The following AUTS2 variants were observed in gnomAD, a reference collection of about 807,000 sequenced individuals.
AUTS2 encodes the protein activator of transcription and developmental regulator AUTS2.
In AUTS2, 17 loss-of-function variants were observed where a neutral mutation model predicts 112.4. The observed-to-expected ratio is 0.15, with a 90% confidence interval of 0.10 to 0.23. The LOEUF (loss-of-function observed/expected upper bound fraction) is 0.23, where lower values mean the gene tolerates loss of function less well. Among genes scored for constraint, AUTS2 ranks in the 10% least tolerant of loss-of-function variants. The pLI, the probability that AUTS2 is intolerant of heterozygous loss-of-function variation, is 1.00. For synonymous variants in AUTS2, 751 were observed against 702.7 expected, an observed-to-expected ratio of 1.07 and a Z score of -1.09; for missense variants, 1,510 against 1,701.6, an observed-to-expected ratio of 0.89 and a Z score of 1.98.
At chr7:69,880,388 C>T (rs1191583553) in intron 1 of AUTS2, among the ~76,000 whole-genome samples, 12 of 152,132 alleles carry the variant, frequency 7.9e-5, no homozygotes, top group Admixed American at 7.8e-4. Context: ...GTTAATAGTA[C>T]CTGCATACAG....
At chr7:70,221,367 G>T (rs1811475903) in intron 4 of AUTS2, among the ~76,000 whole-genome samples, 1 of 151,880 alleles carries the variant, frequency 6.6e-6, no homozygotes, top group Non-Finnish European at 1.5e-5. Context: ...TCTTCTTTTG[G>T]TGTAAAATTT....
At chr7:70,342,323 CTTTT>C (rs551510185) in intron 4 of AUTS2, among the ~76,000 whole-genome samples, 1 of 141,712 alleles carries the variant, frequency 7.1e-6, no homozygotes. Flanking sequence ...ATAATTTTTT[CTTTT>C]TTTTTTTTTG....
intron 2 of AUTS2, among the ~76,000 whole-genome samples, chr7:69,978,859 A>AACACACACACACACACACACAC (rs71068004): frequency 2.4e-4 from 31 of 129,710 alleles, no homozygotes; most frequent in Non-Finnish European, 4.5e-4. Context: ...TCAAAGAAAC[A>AACACACACACACACACACACAC]ACACACACAC....
intron 2 of AUTS2, among the ~76,000 whole-genome samples, chr7:70,020,489 G>A (rs1273538198): frequency 6.6e-6 from 1 of 152,054 alleles, no homozygotes; most frequent in Admixed American, 6.6e-5. Context: ...CTATACAAAG[G>A]GATAGGTTTT....
chr7:70,481,661 A>G (rs1258359490), intron 5 of AUTS2, among the ~76,000 whole-genome samples: 3 of 152,202 alleles, frequency 2.0e-5, no homozygotes, highest in Non-Finnish European at 4.4e-5. Flanking sequence ...TCTGTCGGCC[A>G]CATCAAAATC....
chr7:69,864,845 T>G (rs1256817579), intron 1 of AUTS2, among the ~76,000 whole-genome samples: 2 of 152,184 alleles, frequency 1.3e-5, no homozygotes, highest in Non-Finnish European at 2.9e-5. Flanking sequence ...AAGAGAATAT[T>G]CCTGGAAAGA....
chr7:70,003,022 ATAGT>A (rs1799269486), intron 2 of AUTS2, among the ~76,000 whole-genome samples: 1 of 150,828 alleles, frequency 6.6e-6, no homozygotes, highest in Admixed American at 6.7e-5. Flanking sequence ...GAAAAACTAG[ATAGT>A]TAAGTTGAAG....
intron 1 of AUTS2, among the ~76,000 whole-genome samples, chr7:69,640,986 T>C (rs905012509): frequency 1.3e-5 from 2 of 152,084 alleles, no homozygotes; most frequent in African/African-American, 4.8e-5. Context: ...GGTAGAGAGA[T>C]TGAAGGAAGT....
intron 1 of AUTS2, among the ~76,000 whole-genome samples, chr7:69,865,236 G>T (rs1455429880): frequency 2.0e-5 from 3 of 152,040 alleles, no homozygotes; most frequent in Admixed American, 6.6e-5. Flanking sequence ...GTGGAAAAGG[G>T]TTTCTGTGAG....
rs191232666 is a variant in AUTS2 at position 69,708,580 on chromosome 7, G to A, written c.309+108618G>A. ...GCAAGTGCTACATATTATGTCCACA[G>A]TATCTGGAGTATTTAAACCAGGAAT... On this transcript the variant is annotated intron_variant, in intron 1 of 18. Coordinates refer to ENST00000342771, the MANE Select transcript of AUTS2 (RefSeq NM_015570.4). Among the ~76,000 whole-genome samples the A allele has an allele frequency of 4.1e-3, 624 of 152,338 alleles. 6 individuals are homozygous for A. The highest frequency in any genetic ancestry group is 0.014 in the African/African-American group (582 of 41,584).
At chr7:70,435,696 A>G in intron 4 of AUTS2, 56 bp from the exon 5 acceptor site, 1 of 1,592,918 alleles carries the variant, frequency 6.3e-7, no homozygotes, top group Admixed American at 1.7e-5. Context: ...AGGCATCAAA[A>G]GCAAAAACAT....
chr7:69,926,445 G>GTCTGTCTATCTATCTA (rs796507485), intron 2 of AUTS2, among the ~76,000 whole-genome samples: 37 of 123,196 alleles, frequency 3.0e-4, no homozygotes, highest in African/African-American at 8.5e-4. Context: ...CTGTCTGTCT[G>GTCTGTCTATCTATCTA]TCTATCTATC....
At chr7:69,916,298 T>C (rs1795577725) in intron 2 of AUTS2, among the ~76,000 whole-genome samples, 1 of 152,248 alleles carries the variant, frequency 6.6e-6, no homozygotes, top group South Asian at 2.1e-4. Context: ...TTGACATTCA[T>C]TCATTAAATA....
chr7:69,860,678 T>TC (rs984045076), intron 1 of AUTS2, among the ~76,000 whole-genome samples: 3 of 151,644 alleles, frequency 2.0e-5, no homozygotes, highest in African/African-American at 7.3e-5. Context: ...AATTTTTTTT[T>TC]CCCACATAAC....
At chr7:70,258,917 G>A (rs1337574064) in intron 4 of AUTS2, among the ~76,000 whole-genome samples, 2 of 152,092 alleles carry the variant, frequency 1.3e-5, no homozygotes, top group African/African-American at 2.4e-5. Flanking sequence ...GCCCCAAAAG[G>A]AACCTTCATC....
intron 2 of AUTS2, among the ~76,000 whole-genome samples, chr7:70,063,130 G>C (rs939993178): frequency 6.6e-6 from 1 of 152,106 alleles, no homozygotes; most frequent in Admixed American, 6.5e-5. Context: ...ATGGATGCTG[G>C]CAGTCATACC....
chr7:69,652,973 C>T (rs1584013282), intron 1 of AUTS2, among the ~76,000 whole-genome samples: 5 of 152,166 alleles, frequency 3.3e-5, no homozygotes, highest in Admixed American at 2.6e-4. Context: ...AGTGCTTTAG[C>T]TAGGAGGCTG....
intron 1 of AUTS2, among the ~76,000 whole-genome samples, chr7:69,691,481 G>A (rs566751315): frequency 2.0e-5 from 3 of 152,122 alleles, no homozygotes; most frequent in Non-Finnish European, 4.4e-5. Context: ...GGGGGCCGAG[G>A]TGGCAGAGGG....
At chr7:70,729,433 C>A (rs980771253) in intron 6 of AUTS2, among the ~76,000 whole-genome samples, 1 of 152,342 alleles carries the variant, frequency 6.6e-6, no homozygotes, top group South Asian at 2.1e-4. Context: ...TTTCCAGGAA[C>A]GTGTCCCTAC....
Sources: allele counts gnomAD v4.1 joint callset (sites outside exome capture counted in the v4.1 genomes callset), GRCh38; gene constraint gnomAD v4.1.1; transcripts MANE v1.5; gene names NCBI Gene and HGNC (gene_info 2026-07-23, HGNC 2026-07-21).